The following MPDZ variants were observed in gnomAD, a reference collection of about 807,000 sequenced individuals.
MPDZ encodes the protein multiple PDZ domain crumbs cell polarity complex component, also known as multiple PDZ domain protein.
MPDZ carries 234 observed loss-of-function variants against 239.1 expected under a neutral mutation model. The ratio of observed to expected loss-of-function variants is 0.98; its 90% confidence interval spans 0.88 to 1.09. MPDZ has a LOEUF of 1.09. Ranked by LOEUF, MPDZ falls within the 50% of genes least tolerant of loss-of-function variation. The probability of loss-of-function intolerance (pLI) is 0.00; values close to 1 mark genes in which losing one functional copy is unlikely to be tolerated. For synonymous variants in MPDZ, 1,048 were observed against 881.3 expected (o/e 1.19, Z -3.35); for missense variants, 3,175 against 2,510.0 (o/e 1.26, Z -5.66).
chr9:13,191,894 T>C (rs921859892), intron 15 of MPDZ, among the ~76,000 whole-genome samples: 1 of 152,134 alleles, frequency 6.6e-6, no homozygotes, highest in African/African-American at 2.4e-5. Flanking sequence ...GCATCATGAC[T>C]TACATTTTAC....
chr9:13,162,101 C>CA, intron 23 of MPDZ, among the ~76,000 whole-genome samples: 1 of 152,018 alleles, frequency 6.6e-6, no homozygotes, highest in South Asian at 2.1e-4. Context: ...CCCATCTCTA[C>CA]AAAAAATACA....
At chr9:13,145,345 T>G (rs1029012136) in intron 26 of MPDZ, among the ~76,000 whole-genome samples, 3 of 151,766 alleles carry the variant, frequency 2.0e-5, no homozygotes, top group Admixed American at 2.0e-4. Context: ...AGTGAGAAAA[T>G]GTGGTCAGAC....
intron 39 of MPDZ, 127 bp downstream of exon 39, chr9:13,119,375 G>T: frequency 8.7e-7 from 1 of 1,146,170 alleles, no homozygotes; most frequent in Non-Finnish European, 1.2e-6. Flanking sequence ...GTGAGCCATT[G>T]CACCTGGCCT....
chr9:13,268,884 G>A (rs1972377598), intron 1 of MPDZ, among the ~76,000 whole-genome samples: 2 of 152,288 alleles, frequency 1.3e-5, no homozygotes, highest in Non-Finnish European at 2.9e-5. Context: ...ATTGGGGAGG[G>A]AGTTTGGAGG....
At chr9:13,142,365 T>C (rs1429401234) in intron 27 of MPDZ, among the ~76,000 whole-genome samples, 3 of 152,172 alleles carry the variant, frequency 2.0e-5, no homozygotes, top group Non-Finnish European at 4.4e-5. Context: ...AGCCTCTATT[T>C]ACTTGAGGGG....
chr9:13,183,714 T>TTTTTTTTTTTTTTTTTTTTTTTTTTC, intron 18 of MPDZ, 129 bp from the exon 19 acceptor site: 1 of 858,538 alleles, frequency 1.2e-6, no homozygotes, highest in Non-Finnish European at 1.8e-6. Flanking sequence ...TATGCCCTCT[T>TTTTTTTTTTTTTTTTTTTTTTTTTTC]AACCCTCATC....
chr9:13,257,731 A>T (rs1969772625), intron 1 of MPDZ, among the ~76,000 whole-genome samples: 1 of 152,188 alleles, frequency 6.6e-6, no homozygotes, highest in South Asian at 2.1e-4. Context: ...CAAATTTTAT[A>T]CCTTAATAGA....
At position 13,188,880 on chromosome 9, in the gene MPDZ, A is replaced by G. The variant is rs1340031841; in HGVS notation, c.2268T>C (p.Asp756=). Residue 756 remains aspartate, a synonymous_variant, in exon 17 of 47, where the codon GAT becomes GAC. Transcript: ENST00000319217. Reference sequence around the variant, plus strand: ...CAAGACTGCTGTTTTCCAAGTTAACATCGTTTACAAACATGAGTCGGTCAC... The same window carrying G: ...CAAGACTGCTGTTTTCCAAGTTAACGTCGTTTACAAACATGAGTCGGTCAC... ...LPGDRLMFVN[D]VNLENSSLEE... The G allele has an allele frequency of 6.2e-7, 1 of 1,613,590 alleles. No homozygotes were observed. The highest frequency in any genetic ancestry group is 1.1e-5 in the South Asian group (1 of 91,066).
At chr9:13,110,276 A>G (rs1343838879) in intron 44 of MPDZ, among the ~76,000 whole-genome samples, 1 of 152,202 alleles carries the variant, frequency 6.6e-6, no homozygotes, top group Admixed American at 6.5e-5. Flanking sequence ...TTCTAATTCT[A>G]TTCTACAAAG....
At chr9:13,178,115 C>A (rs72706366) in intron 19 of MPDZ, among the ~76,000 whole-genome samples, 81,894 of 151,850 alleles carry the variant, frequency 0.54, 26,474 homozygotes, top group Non-Finnish European at 0.71. Flanking sequence ...AAAAATTAGC[C>A]GGGCGTGGTG....
intron 15 of MPDZ, among the ~76,000 whole-genome samples, 173 bp from the exon 16 acceptor site, chr9:13,190,472 T>C (rs1472100727): frequency 2.0e-5 from 3 of 152,256 alleles, no homozygotes; most frequent in Middle Eastern, 6.8e-3. Context: ...TTACTGAAAG[T>C]TGTTAAGAAG....
intron 1 of MPDZ, among the ~76,000 whole-genome samples, chr9:13,266,587 T>C (rs975539989): frequency 2.0e-5 from 3 of 152,196 alleles, no homozygotes; most frequent in African/African-American, 7.2e-5. Context: ...TAAGAAAATT[T>C]TGTAAGCTTT....
intron 24 of MPDZ, among the ~76,000 whole-genome samples, chr9:13,156,224 C>G (rs1949794533): frequency 6.6e-6 from 1 of 152,088 alleles, no homozygotes; most frequent in Non-Finnish European, 1.5e-5. Flanking sequence ...GTAGCAGAGA[C>G]CTAGCAGAGA....
intron 10 of MPDZ, 142 bp downstream of exon 10, chr9:13,216,632 G>C (rs1047900097): frequency 1.1e-5 from 6 of 545,826 alleles, no homozygotes; most frequent in African/African-American, 9.6e-5. Context: ...AATAGAAAGG[G>C]TAATTGTAAT....
At chr9:13,109,518 G>A (rs1466208595) in intron 45 of MPDZ, among the ~76,000 whole-genome samples, 1 of 152,102 alleles carries the variant, frequency 6.6e-6, no homozygotes, top group African/African-American at 2.4e-5. Flanking sequence ...CTTCTCCTCT[G>A]TTTTCCAATG....
chr9:13,161,649 T>C (rs1325128089), intron 23 of MPDZ, among the ~76,000 whole-genome samples: 1 of 152,068 alleles, frequency 6.6e-6, no homozygotes, highest in African/African-American at 2.4e-5. Flanking sequence ...CTCTACCACA[T>C]GCTTACAAGA....
chr9:13,158,698 A>AG (rs1950118243), intron 23 of MPDZ, among the ~76,000 whole-genome samples: 1 of 152,194 alleles, frequency 6.6e-6, no homozygotes, highest in Admixed American at 6.6e-5. Flanking sequence ...GAAGCAGTTT[A>AG]CAACGCGTCT....
At chr9:13,220,382 G>A (rs760112024) in intron 7 of MPDZ, among the ~76,000 whole-genome samples, 3 of 151,880 alleles carry the variant, frequency 2.0e-5, no homozygotes, top group South Asian at 2.1e-4. Context: ...CAATAGCTAC[G>A]GAGATCTTGA....
At chr9:13,136,572 C>T (rs946205214) in intron 30 of MPDZ, 140 bp downstream of exon 30, 17 of 613,040 alleles carry the variant, frequency 2.8e-5, no homozygotes, top group Admixed American at 1.1e-4. Context: ...ATGATCCGCC[C>T]GCCTCAGCCT....
Sources: allele counts gnomAD v4.1 joint callset (sites outside exome capture counted in the v4.1 genomes callset), GRCh38; gene constraint gnomAD v4.1.1; transcripts MANE v1.5; gene names NCBI Gene and HGNC (gene_info 2026-07-23, HGNC 2026-07-21).